Variants in CARMIL3 observed in about 807,000 individuals in gnomAD.
CARMIL3 encodes the protein capping protein, Arp2/3 and myosin-I linker protein 3.
CARMIL3 carries 88 observed loss-of-function variants against 180.8 expected under a neutral mutation model. That is an observed-to-expected ratio of 0.49 (90% CI 0.41 to 0.58). CARMIL3 has a LOEUF of 0.58. CARMIL3 is among the 20% of genes least tolerant of loss of function. The pLI is 0.00. For synonymous variants in CARMIL3, 696 were observed against 714.5 expected (o/e 0.97, Z 0.41); for missense variants, 1,548 against 1,787.0 (o/e 0.87, Z 2.41).
intron 12 of CARMIL3, 85 bp downstream of exon 12, chr14:24,056,793 A>G: frequency 6.6e-7 from 1 of 1,515,262 alleles, no homozygotes; most frequent in African/African-American, 1.4e-5. Context: ...CCACACATTC[A>G]CACACCACCT....
rs2035742689 is a variant in CARMIL3, at chr14:24,062,567, G to A, written c.2568G>A (p.Leu856=). ...LQELYHSHKS[L]ARHLTQLRTL... ...AGCTCTACCATTCCCACAAGAGCCTGGTAAGGCTTCTTCTGCAGCCTGGCC... is the reference window on the plus strand; with the variant it reads ...AGCTCTACCATTCCCACAAGAGCCTAGTAAGGCTTCTTCTGCAGCCTGGCC... The change falls in exon 28 of 40, where the codon CTG becomes CTA. Residue 856 remains leucine, a splice_region_variant and synonymous_variant. Transcript: ENST00000342740. 1 of 1,613,962 alleles carries A rather than the reference G, an allele frequency of 6.2e-7. No individual in the cohort carries two copies. The highest frequency in any genetic ancestry group is 8.5e-7 in the Non-Finnish European group (1 of 1,179,958).
chr14:24,056,366 C>A lies in CARMIL3; in HGVS notation c.838C>A (p.Leu280Met). 6.2e-7 allele frequency: 1 copy of A among 1,613,928 alleles called. No individual in the cohort carries two copies. Among genetic ancestry groups the A allele is most frequent in the Non-Finnish European group, 8.5e-7 (1 of 1,179,868 alleles). The change falls in exon 11 of 40, where the codon CTG becomes ATG. Residue 280 changes from leucine (L) to methionine (M), a missense_variant. Leu to Met is a conservative substitution (Grantham distance 15, BLOSUM62 2). Transcript: ENST00000342740. ...GAGCTGTGTGCTGCATGCCCTCACT[C>A]TGTCCCACAACCCCATCGAGGACAA... ...NGSCVLHALT[L>M]SHNPIEDKGF...
chr14:24,054,574 C>T lies in CARMIL3; in HGVS notation c.362+63C>T, dbSNP rs1327637700. ...GAGAGGGAGAGTTCATCCCTTCCTCCTTCCCCTGGGCCAGGGCTGAGAAGG... is the reference window on the plus strand; with the variant it reads ...GAGAGGGAGAGTTCATCCCTTCCTCTTTCCCCTGGGCCAGGGCTGAGAAGG... On this transcript the variant is annotated intron_variant, in intron 5 of 39. Coordinates refer to ENST00000342740, the MANE Select transcript of CARMIL3 (RefSeq NM_138360.4). The surrounding 1 kb of genome is among the most constrained non-coding windows in gnomAD (Gnocchi z 5.1). 27 of 1,551,212 alleles carry T rather than the reference C, an allele frequency of 1.7e-5. No homozygotes were observed. Among genetic ancestry groups the T allele is most frequent in the Non-Finnish European group, 2.4e-5 (27 of 1,130,888 alleles).
chr14:24,060,127 G>A, intron 23 of CARMIL3, 30 bp from the exon 24 acceptor site: 4 of 1,613,866 alleles, frequency 2.5e-6, no homozygotes, highest in Non-Finnish European at 3.4e-6. Flanking sequence ...CCATCCCCAG[G>A]CCCTGACCCA....
chr14:24,056,845 G>T, intron 12 of CARMIL3, 70 bp from the exon 13 acceptor site: 1 of 1,553,612 alleles, frequency 6.4e-7, no homozygotes. Context: ...TGGGGAGAGG[G>T]GAAGAGTTAT....
At position 24,054,982 on chromosome 14, in the gene CARMIL3, A is replaced by G. The variant is rs1260906024; in HGVS notation, c.461-84A>G. On this transcript the variant is annotated intron_variant, in intron 6 of 39. Transcript: ENST00000342740. This position sits in a 1 kb window ranked among gnomAD's most constrained non-coding sequence, Gnocchi z 5.1. Reference sequence around the variant, plus strand: ...GCAAGAACCAAGAGCACTGGCACATAAAGTGACCTTGACTGTTCTTGAACC... The same window carrying G: ...GCAAGAACCAAGAGCACTGGCACATGAAGTGACCTTGACTGTTCTTGAACC... 6 of 1,499,952 alleles carry G rather than the reference A, an allele frequency of 4.0e-6. 1 individual carries two copies. The highest frequency in any genetic ancestry group is 1.4e-5 in the African/African-American group (1 of 72,504). The allele number at this position is 1,499,952 out of a possible 1,614,324, so 92.9% of individuals were successfully genotyped here. A position where few individuals can be genotyped will look rare whatever the true frequency, so the allele number is the denominator to read the frequency against.
chr14:24,069,339 C>A, intron 39 of CARMIL3, 40 bp from the exon 40 acceptor site: 2 of 1,614,120 alleles, frequency 1.2e-6, no homozygotes, highest in Non-Finnish European at 1.7e-6. Flanking sequence ...CTGGCTGTCC[C>A]TGCCCAGGAA....
intron 2 of CARMIL3, 98 bp downstream of exon 2, chr14:24,053,901 G>T: frequency 1.6e-6 from 2 of 1,228,216 alleles, no homozygotes; most frequent in East Asian, 2.5e-5. Context: ...GACAGAAGTG[G>T]GTGGACACTG....
intron 38 of CARMIL3, 41 bp from the exon 39 acceptor site, chr14:24,069,096 G>A (rs771992560): frequency 6.2e-6 from 10 of 1,610,278 alleles, no homozygotes; most frequent in Non-Finnish European, 8.5e-6. Context: ...CCCAGCATGA[G>A]CCCCACTCCT....
chr14:24,061,856 T>A lies in CARMIL3; in HGVS notation c.2480+184T>A. The A allele has an allele frequency of 1.4e-6, 1 of 730,186 alleles. No individual in the cohort carries two copies. The highest frequency in any genetic ancestry group is 2.2e-6 in the Non-Finnish European group (1 of 464,630). The allele number at this position is 730,186 out of a possible 1,614,324, so 45.2% of individuals were successfully genotyped here. A position where few individuals can be genotyped will look rare whatever the true frequency, so the allele number is the denominator to read the frequency against. On this transcript the variant is annotated intron_variant, in intron 27 of 39. Coordinates refer to ENST00000342740, the MANE Select transcript of CARMIL3 (RefSeq NM_138360.4). The surrounding 1 kb of genome is among the most constrained non-coding windows in gnomAD (Gnocchi z 4.1). ...CTGGTCTTTGCCCTAGAAATCTAAGTGCTGAGCTGGGGTTTAGGAGCCAAG... is the reference window on the plus strand; with the variant it reads ...CTGGTCTTTGCCCTAGAAATCTAAGAGCTGAGCTGGGGTTTAGGAGCCAAG...
chr14:24,066,619 C>T lies in CARMIL3; in HGVS notation c.3645C>T (p.Phe1215=), dbSNP rs1217263164. ...CGCCCCAAAGCACCAAACCAAGCTT[C>T]AGCGCCATGCGCAGAGCAGAGGCCA... is the stretch of plus-strand genomic sequence containing the variant. The part of the protein sequence containing the change: ...PPPPQSTKPS[F]SAMRRAEATW... Residue 1215 remains phenylalanine, a synonymous_variant, in exon 36 of 40, where the codon TTC becomes TTT. Coordinates refer to ENST00000342740, the MANE Select transcript of CARMIL3 (RefSeq NM_138360.4). 1.9e-6 allele frequency: 3 copies of T among 1,614,242 alleles called. No individual in the cohort carries two copies. In the South Asian group the frequency reaches 3.3e-5, roughly 18 times the overall value.
rs974898046 is a variant in CARMIL3 at position 24,062,208 on chromosome 14, G to A, written c.2481-272G>A. 8 of 551,386 alleles carry A rather than the reference G, an allele frequency of 1.5e-5. No homozygotes were observed. In the Admixed American group the frequency reaches 1.8e-4, roughly 13 times the overall value. The allele number at this position is 551,386 out of a possible 1,614,324, so 34.2% of individuals were successfully genotyped here. ...GCTCTGTTCCACTGGGGCTCCAGGG[G>A]CCTGACCTAGGGCCCCCTTGCTCCT... On this transcript the variant is annotated intron_variant, in intron 27 of 39. Coordinates refer to ENST00000342740, the MANE Select transcript of CARMIL3 (RefSeq NM_138360.4).
At position 24,069,111 on chromosome 14, in the gene CARMIL3, T is replaced by C. The variant is rs1441062581; in HGVS notation, c.3983-26T>C. 2.5e-6 allele frequency: 4 copies of C among 1,613,060 alleles called. No individual in the cohort carries two copies. In the African/African-American group the frequency reaches 5.3e-5, roughly 22 times the overall value. ...CCCAGCATGAGCCCCACTCCTGTGT[T>C]AGGCCTGCCTTGATTGTTATTTCAG... is the stretch of plus-strand genomic sequence containing the variant. On this transcript the variant is annotated intron_variant, in intron 38 of 39. Transcript: ENST00000342740.
intron 30 of CARMIL3, 25 bp downstream of exon 30, chr14:24,063,208 A>G (rs779202704): frequency 6.2e-7 from 1 of 1,610,206 alleles, no homozygotes; most frequent in South Asian, 1.1e-5. Context: ...CTCCGTTCTC[A>G]TGGACTCCAG....
rs767499559 is a variant in CARMIL3, at chr14:24,065,155, C to T, written c.3278C>T (p.Pro1093Leu). 6.7e-7 allele frequency: 1 copy of T among 1,491,194 alleles called. No homozygotes were observed. Among genetic ancestry groups the T allele is most frequent in the Non-Finnish European group, 8.9e-7 (1 of 1,121,136 alleles). The allele number at this position is 1,491,194 out of a possible 1,614,324, so 92.4% of individuals were successfully genotyped here. A position where few individuals can be genotyped will look rare whatever the true frequency, so the allele number is the denominator to read the frequency against. ...CCTCCCCCGACTCAGGAGAGCCCCCCTAGCCCAGACCCCCCAAGCCTCGGC... is the reference window on the plus strand; with the variant it reads ...CCTCCCCCGACTCAGGAGAGCCCCCTTAGCCCAGACCCCCCAAGCCTCGGC... Reference protein sequence around the residue: ...PPPPPTQESPPSPDPPSLGNN... With the variant: ...PPPPPTQESPLSPDPPSLGNN... The change falls in exon 33 of 40, where the codon CCT (proline) becomes CTT (leucine). Residue 1093 changes from proline (P) to leucine (L), a missense_variant. By Grantham distance (98) the Pro-to-Leu change is moderately conservative. Around this residue, in one of 4 missense-constraint regions of CARMIL3, gnomAD observed 668 missense variants for 687.8 expected, o/e 0.97. Coordinates refer to ENST00000342740, the MANE Select transcript of CARMIL3 (RefSeq NM_138360.4).
At chr14:24,052,271 C>A in intron 1 of CARMIL3, 78 bp downstream of exon 1, 2 of 1,428,278 alleles carry the variant, frequency 1.4e-6, no homozygotes, top group Non-Finnish European at 1.9e-6. Flanking sequence ...CGTGGTGCAT[C>A]CCAGCCCGGT....
At chr14:24,053,825 G>A in intron 2 of CARMIL3, 22 bp downstream of exon 2, 1 of 1,593,170 alleles carries the variant, frequency 6.3e-7, no homozygotes. Context: ...GGGCATGTGG[G>A]GAGGGAGGAG....
intron 24 of CARMIL3, 99 bp downstream of exon 24, chr14:24,060,354 A>G (rs750788464): frequency 4.7e-5 from 61 of 1,303,148 alleles, no homozygotes; most frequent in South Asian, 4.1e-4. Context: ...GAGGCACTGC[A>G]TGGTGCCTAT....
Position 24,064,996 on chromosome 14 carries a change from C to T in CARMIL3, c.3119C>T (p.Ser1040Leu), listed in dbSNP as rs149381660. ...CTGAGGACCGTGCGGCCAGGACTCT[C>T]GGAGGCACCGCTGCCTCCACTCCAG... ...RTLRTVRPGL[S>L]EAPLPPLQKK... is the part of the protein sequence containing the mutation. The change falls in exon 33 of 40, where the codon TCG (serine) becomes TTG (leucine). Residue 1040 changes from serine to leucine, a missense_variant. Coordinates refer to ENST00000342740, the MANE Select transcript of CARMIL3 (RefSeq NM_138360.4). The T allele has an allele frequency of 8.9e-4, 1,434 of 1,612,230 alleles. 10 individuals are homozygous for T. The African/African-American group carries it at 0.016, about 18-fold the overall frequency.
Sources: allele counts gnomAD v4.1 joint callset, GRCh38; gene constraint gnomAD v4.1.1; regional missense constraint gnomAD v4.1.1; non-coding constraint Gnocchi (gnomAD v3.1); transcripts MANE v1.5; gene names NCBI Gene and HGNC (gene_info 2026-07-23, HGNC 2026-07-21).